Variants in RACK1 observed in about 807,000 individuals in gnomAD.
The protein encoded by RACK1 is small ribosomal subunit protein RACK1.
In RACK1, 3 loss-of-function variants were observed where a neutral mutation model predicts 42.2. That is an observed-to-expected ratio of 0.07 (90% CI 0.03 to 0.18). RACK1 has a LOEUF of 0.18. Among genes scored for constraint, RACK1 ranks in the 10% least tolerant of loss-of-function variants. The pLI is 1.00. For synonymous variants in RACK1, 181 were observed against 154.8 expected, an observed-to-expected ratio of 1.17 and a Z score of -1.25; for missense variants, 146 against 403.2, an observed-to-expected ratio of 0.36 and a Z score of 5.46.
rs1759371847 is a variant in RACK1, at chr5:181,242,188, G to C, written c.267C>G (p.Leu89=). The change falls in exon 2 of 8, where the codon CTC becomes CTG. Residue 89 remains leucine (L), a synonymous_variant. Coordinates refer to ENST00000512805, the MANE Select transcript of RACK1 (RefSeq NM_006098.5). ...CAGCTACTTGCGTTGTGAGATCCCA[G>C]AGGCGCAGGGTTCCATCCCAGGAGC... ...LSGSWDGTLR[L]WDLTTGTTTR... is the part of the protein sequence containing the mutation. The C allele has an allele frequency of 1.2e-6, 2 of 1,612,740 alleles. No individual in the cohort carries two copies. Among genetic ancestry groups the C allele is most frequent in the Non-Finnish European group, 1.7e-6 (2 of 1,179,542 alleles).
At chr5:181,237,545 T>A (rs1201116877) in intron 7 of RACK1, 64 bp downstream of exon 7, 1 of 881,892 alleles carries the variant, frequency 1.1e-6, no homozygotes, top group Non-Finnish European at 1.9e-6. Flanking sequence ...CTAGATATAC[T>A]AACAGAATGA....
rs901985684 is a variant in RACK1 at position 181,242,779 on chromosome 5, T to C, written c.110-434A>G. 5.8e-5 allele frequency: 20 copies of C among 344,150 alleles called. No homozygotes were observed. The Admixed American group carries it at 7.8e-4, about 13-fold the overall frequency. The allele number at this position is 344,150 out of a possible 1,614,324, so 21.3% of individuals were successfully genotyped here. Reference sequence around the variant, plus strand: ...TTTCACCATTGGCCAGGCTAGTCTCTAACTCCTGATCTCAAGTGATCCACT... The same window carrying C: ...TTTCACCATTGGCCAGGCTAGTCTCCAACTCCTGATCTCAAGTGATCCACT... On this transcript the variant is annotated intron_variant, in intron 1 of 7. Coordinates refer to ENST00000512805, the MANE Select transcript of RACK1 (RefSeq NM_006098.5).
At position 181,237,141 on chromosome 5, in the gene RACK1, G is replaced by T. The variant is rs538679976; in HGVS notation, c.889-99C>A. The T allele has an allele frequency of 8.7e-5, 137 of 1,571,590 alleles. 3 individuals carry two copies. The Admixed American group carries it at 9.0e-4, about 10-fold the overall frequency. Reference sequence around the variant, plus strand: ...GCTTTTTTTGAGATCCGTCCACCTTGCTCCATTGTCTAGGCTGGAGTGCAG... The same window carrying T: ...GCTTTTTTTGAGATCCGTCCACCTTTCTCCATTGTCTAGGCTGGAGTGCAG... On this transcript the variant is annotated intron_variant, in intron 7 of 7. Transcript: ENST00000512805.
At position 181,243,435 on chromosome 5, in the gene RACK1, A is replaced by G. The variant is rs749274658; in HGVS notation, c.109+257T>C. 8.6e-6 allele frequency: 13 copies of G among 1,505,542 alleles called. No individual in the cohort carries two copies. In the African/African-American group the frequency reaches 1.5e-4, roughly 18 times the overall value. 93.3% of individuals were successfully genotyped at this position (1,505,542 alleles called of 1,614,324 possible). On this transcript the variant is annotated intron_variant, in intron 1 of 7. Transcript: ENST00000512805. ...GAAGGAGAAGGCAAAAGATATTTTAAAAGTTTCCAACTCTCCAACCCTCCT... is the reference window on the plus strand; with the variant it reads ...GAAGGAGAAGGCAAAAGATATTTTAGAAGTTTCCAACTCTCCAACCCTCCT...
At chr5:181,238,954 C>T (rs1191484141) in intron 5 of RACK1, 113 bp downstream of exon 5, 1 of 781,012 alleles carries the variant, frequency 1.3e-6, no homozygotes, top group Non-Finnish European at 2.4e-6. Flanking sequence ...ATCTCATTAT[C>T]CTCCTAAAAC....
At chr5:181,237,095 T>C (rs1759164827) in intron 7 of RACK1, 53 bp from the exon 8 acceptor site, 2 of 1,608,522 alleles carry the variant, frequency 1.2e-6, no homozygotes, top group African/African-American at 2.7e-5. Flanking sequence ...TTCTGCAGTC[T>C]CACTAGATTC....
intron 5 of RACK1, 123 bp from the exon 6 acceptor site, chr5:181,238,362 C>A: frequency 1.0e-6 from 1 of 973,630 alleles, no homozygotes; most frequent in Admixed American, 2.1e-5. Flanking sequence ...TCTTTGAAAG[C>A]TAATGACTCA....
chr5:181,237,762 G>C (rs1582292632), intron 6 of RACK1, 43 bp from the exon 7 acceptor site: 1 of 900,448 alleles, frequency 1.1e-6, no homozygotes, highest in African/African-American at 3.2e-5. Context: ...TACCAATCAA[G>C]AGAGTCTCCT....
At chr5:181,239,282 C>T (rs1406278805) in intron 4 of RACK1, 105 bp from the exon 5 acceptor site, 5 of 808,286 alleles carry the variant, frequency 6.2e-6, no homozygotes, top group Non-Finnish European at 1.1e-5. Context: ...AGCCATTTCT[C>T]ATTCAGTAAC....
At chr5:181,237,071 C>G (rs775703198) in intron 7 of RACK1, 29 bp from the exon 8 acceptor site, 8 of 1,612,142 alleles carry the variant, frequency 5.0e-6, no homozygotes, top group Non-Finnish European at 6.8e-6. Flanking sequence ...AGTGACAGGT[C>G]AGGCTGGCAT....
intron 1 of RACK1, chr5:181,243,012 G>C: frequency 2.9e-6 from 1 of 348,234 alleles, no homozygotes; most frequent in South Asian, 2.1e-5. Context: ...CTACCTCTGA[G>C]GGCCGACAGA....
Position 181,238,001 on chromosome 5 carries a change from A to G in RACK1, c.777+98T>C, listed in dbSNP as rs61531479. 2.3e-3 allele frequency: 3,081 copies of G among 1,313,344 alleles called. 59 individuals are homozygous for G. The African/African-American group carries it at 0.041, about 17-fold the overall frequency. 81.4% of individuals were successfully genotyped at this position (1,313,344 alleles called of 1,614,324 possible). A position where few individuals can be genotyped will look rare whatever the true frequency, so the allele number is the denominator to read the frequency against. On this transcript the variant is annotated intron_variant, in intron 6 of 7. Transcript: ENST00000512805. The stretch of plus-strand genomic sequence containing the variant: ...CATTACGTGGAGGCTGAGAAAGCTT[A>G]GCTCCCAGGTGGGAGTCAGATGGCA...
chr5:181,243,299 T>G, intron 1 of RACK1: 1 of 1,358,812 alleles, frequency 7.4e-7, no homozygotes, highest in Non-Finnish European at 9.7e-7. Context: ...CCCACGAGCC[T>G]TGGGCCGGGC....
At chr5:181,242,008 G>A in intron 2 of RACK1, 166 bp downstream of exon 2, 1 of 787,918 alleles carries the variant, frequency 1.3e-6, no homozygotes, top group Non-Finnish European at 2.2e-6. Flanking sequence ...CAGCAATGCT[G>A]AGTAACTTAT....
At chr5:181,237,522 T>C in intron 7 of RACK1, 87 bp downstream of exon 7, 1 of 799,846 alleles carries the variant, frequency 1.3e-6, no homozygotes, top group African/African-American at 1.7e-5. Context: ...ACACTGCTCT[T>C]GTGTCTGACA....
intron 3 of RACK1, among the ~76,000 whole-genome samples, chr5:181,239,828 T>A (rs1341132834): frequency 6.6e-6 from 1 of 152,218 alleles, no homozygotes; most frequent in African/African-American, 2.4e-5. Context: ...GTGGATCACC[T>A]GAGGTCAGGA....
Position 181,243,904 on chromosome 5 carries a change from G to C in RACK1, c.-104C>G, listed in dbSNP as rs61735487. ...CCTGCCGCCGCCTTGCAGTGAAAGA[G>C]AGAGAGAAAAGCCCCCCGCCGGAAC... On this transcript the variant is annotated 5_prime_UTR_variant, in exon 1 of 8. Coordinates refer to ENST00000512805, the MANE Select transcript of RACK1 (RefSeq NM_006098.5). 3.4e-6 allele frequency: 5 copies of C among 1,449,802 alleles called. No homozygotes were observed. The highest frequency in any genetic ancestry group is 5.5e-5 in the Admixed American group (2 of 36,460). The allele number at this position is 1,449,802 out of a possible 1,614,324, so 89.8% of individuals were successfully genotyped here. A position where few individuals can be genotyped will look rare whatever the true frequency, so the allele number is the denominator to read the frequency against.
Position 181,237,687 on chromosome 5 carries a change from C to T in RACK1, c.810G>A (p.Leu270=), listed in dbSNP as rs758794696. ...TGCTGGTACTGATAACTTCTTGCTT[C>T]AGTTCATCTACAATGATCTTTCCCT... ...DLEGKIIVDE[L]KQEVISTSSK... The change falls in exon 7 of 8, where the codon CTG becomes CTA. Residue 270 remains leucine (L), a synonymous_variant. Transcript: ENST00000512805. The T allele has an allele frequency of 1.1e-5, 18 of 1,610,232 alleles. No homozygotes were observed. The highest frequency in any genetic ancestry group is 1.5e-5 in the Non-Finnish European group (18 of 1,176,544).
At chr5:181,243,397 C>T (rs1759429997) in intron 1 of RACK1, 1 of 1,438,590 alleles carries the variant, frequency 7.0e-7, no homozygotes, top group Non-Finnish European at 9.3e-7. Context: ...CCGTAGGCCC[C>T]CGGCCACACT....
Sources: allele counts gnomAD v4.1 joint callset (sites outside exome capture counted in the v4.1 genomes callset), GRCh38; gene constraint gnomAD v4.1.1; transcripts MANE v1.5; gene names NCBI Gene and HGNC (gene_info 2026-07-23, HGNC 2026-07-21).